RNFT2: variants seen among roughly 807,000 people sequenced by gnomAD.
The protein encoded by RNFT2 is ring finger protein, transmembrane 2.
Under a neutral mutation model 53.0 loss-of-function variants are expected in RNFT2, and 36 were observed. The observed-to-expected ratio is 0.68, with a 90% CI of 0.52 to 0.90. RNFT2 has a LOEUF of 0.90. Among genes scored for constraint, RNFT2 ranks in the 40% least tolerant of loss-of-function variants. The probability of loss-of-function intolerance (pLI) is 0.00; values close to 1 mark genes in which losing one functional copy is unlikely to be tolerated. For synonymous variants in RNFT2, 260 were observed against 253.2 expected (o/e 1.03, Z -0.26); for missense variants, 514 against 585.6 (o/e 0.88, Z 1.26).
At chr12:116,791,310 TTTC>T (rs1212164387) in intron 7 of RNFT2, among the ~76,000 whole-genome samples, 2 of 152,196 alleles carry the variant, frequency 1.3e-5, no homozygotes, top group Non-Finnish European at 2.9e-5. Flanking sequence ...CAGCACTTCA[TTTC>T]TTCTTTTTCT....
At chr12:116,743,725 C>G (rs1274256084) in intron 3 of RNFT2, among the ~76,000 whole-genome samples, 1 of 152,180 alleles carries the variant, frequency 6.6e-6, no homozygotes, top group African/African-American at 2.4e-5. Context: ...CCCTGCGACT[C>G]TGGGGTTGGC....
intron 7 of RNFT2, among the ~76,000 whole-genome samples, chr12:116,807,181 G>A (rs997249144): frequency 6.6e-6 from 1 of 152,162 alleles, no homozygotes; most frequent in South Asian, 2.1e-4. Context: ...TCTGTACCGG[G>A]GTGATTATCC....
intron 7 of RNFT2, among the ~76,000 whole-genome samples, chr12:116,789,635 G>GTGGA (rs148322297): frequency 0.016 from 2,149 of 132,068 alleles, 22 homozygotes; most frequent in Non-Finnish European, 0.023. Context: ...TGGGAGGAGA[G>GTGGA]TGGATGGATG....
intron 6 of RNFT2, among the ~76,000 whole-genome samples, chr12:116,772,327 A>G (rs1873238758): frequency 6.6e-6 from 1 of 152,076 alleles, no homozygotes; most frequent in South Asian, 2.1e-4. Context: ...TTATTTTTTG[A>G]GACAGAGTCT....
At chr12:116,798,855 A>G (rs1448955323) in intron 7 of RNFT2, among the ~76,000 whole-genome samples, 1 of 151,982 alleles carries the variant, frequency 6.6e-6, no homozygotes, top group African/African-American at 2.4e-5. Flanking sequence ...TACAGACATG[A>G]GCCACTGTGC....
intron 7 of RNFT2, among the ~76,000 whole-genome samples, chr12:116,825,393 T>C (rs1426447879): frequency 6.6e-6 from 1 of 152,240 alleles, no homozygotes; most frequent in East Asian, 1.9e-4. Context: ...ACCTGCATTT[T>C]CTCATCTCTA....
At chr12:116,738,593 C>T (rs1373656059) in intron 1 of RNFT2, 3 of 151,936 alleles carry the variant, frequency 2.0e-5, no homozygotes, top group Non-Finnish European at 2.9e-5. Flanking sequence ...CCCAGGGGCG[C>T]AACTTGAACC....
chr12:116,811,623 G>T lies in RNFT2; in HGVS notation c.883-22169G>T, dbSNP rs113086456. Among the ~76,000 whole-genome samples, 924 of 152,278 alleles carry T rather than the reference G, an allele frequency of 6.1e-3. 8 individuals carry two copies. Among genetic ancestry groups the T allele is most frequent in the African/African-American group, 0.021 (884 of 41,564 alleles). ...ACTCCTGACCTCAAATAATCTGCCC[G>T]CCTTGGCCTCCCAAAGTGCTGGGAT... is the stretch of plus-strand genomic sequence containing the variant. On this transcript the variant is annotated intron_variant, in intron 7 of 10. Transcript: ENST00000257575.
intron 5 of RNFT2, among the ~76,000 whole-genome samples, chr12:116,756,537 AG>A (rs1182156916): frequency 6.6e-6 from 1 of 152,156 alleles, no homozygotes; most frequent in Non-Finnish European, 1.5e-5. Flanking sequence ...TTAATCATAA[AG>A]GGATGCTGGA....
intron 7 of RNFT2, among the ~76,000 whole-genome samples, chr12:116,826,731 G>T (rs1474210141): frequency 6.6e-6 from 1 of 152,134 alleles, no homozygotes; most frequent in African/African-American, 2.4e-5. Flanking sequence ...TCAGCAAACT[G>T]TAGGAAGTTG....
chr12:116,804,744 G>A (rs548261107), intron 7 of RNFT2, among the ~76,000 whole-genome samples: 2 of 152,280 alleles, frequency 1.3e-5, no homozygotes, highest in Admixed American at 1.3e-4. Flanking sequence ...GCCACAGTGG[G>A]CAGATGACCC....
At chr12:116,822,869 C>T (rs564853593) in intron 7 of RNFT2, among the ~76,000 whole-genome samples, 12 of 152,236 alleles carry the variant, frequency 7.9e-5, no homozygotes, top group Non-Finnish European at 1.0e-4. Context: ...TGGTGGTGCA[C>T]GCCTATAATC....
At chr12:116,814,860 G>A (rs961047220) in intron 7 of RNFT2, among the ~76,000 whole-genome samples, 1 of 151,948 alleles carries the variant, frequency 6.6e-6, no homozygotes, top group Non-Finnish European at 1.5e-5. Context: ...TCTATTTTTA[G>A]TACAGATGGT....
intron 10 of RNFT2, among the ~76,000 whole-genome samples, chr12:116,842,739 A>G (rs1217904270): frequency 6.6e-6 from 1 of 151,950 alleles, no homozygotes; most frequent in Non-Finnish European, 1.5e-5. Flanking sequence ...ATGCCCAGCT[A>G]ATTTTTGCAT....
intron 7 of RNFT2, among the ~76,000 whole-genome samples, chr12:116,790,834 G>T (rs139096669): frequency 6.2e-4 from 95 of 152,306 alleles, no homozygotes; most frequent in African/African-American, 2.2e-3. Flanking sequence ...GCACTCACCT[G>T]TAGTCCCAGC....
intron 7 of RNFT2, among the ~76,000 whole-genome samples, chr12:116,780,670 CA>C (rs534092869): frequency 0.13 from 13,146 of 99,816 alleles, 1,555 homozygotes; most frequent in African/African-American, 0.34. Flanking sequence ...GGCATAAAGA[CA>C]AAAAAAAAAA....
chr12:116,762,766 C>T (rs1350278574), intron 5 of RNFT2, among the ~76,000 whole-genome samples: 1 of 152,074 alleles, frequency 6.6e-6, no homozygotes, highest in East Asian at 1.9e-4. Flanking sequence ...TGCATGCCAC[C>T]ATGCCTGGCT....
intron 7 of RNFT2, among the ~76,000 whole-genome samples, chr12:116,797,878 G>A (rs1445953591): frequency 1.3e-5 from 2 of 152,182 alleles, no homozygotes; most frequent in Non-Finnish European, 1.5e-5. Context: ...GTCACTTTTG[G>A]GTCACTGGGT....
chr12:116,834,953 G>A (rs756907208), intron 8 of RNFT2, among the ~76,000 whole-genome samples: 1 of 151,246 alleles, frequency 6.6e-6, no homozygotes, highest in African/African-American at 2.4e-5. Context: ...GGGTTCAAGC[G>A]ATTCTCATGT....
Sources: gnomAD v4.1 joint callset for allele counts (sites outside exome capture counted in the v4.1 genomes callset) on GRCh38, gnomAD v4.1.1 for gene constraint, MANE v1.5 for transcripts, NCBI Gene and HGNC (gene_info 2026-07-23, HGNC 2026-07-21) for gene names.